Variants in CHRD observed in about 807,000 individuals in gnomAD.
CHRD encodes the protein chordin.
CHRD carries 69 observed loss-of-function variants against 113.7 expected under a neutral mutation model. The ratio of observed to expected loss-of-function variants is 0.61; its 90% CI spans 0.50 to 0.74. The LOEUF is 0.74. CHRD is among the 30% of genes least tolerant of loss of function. CHRD has a pLI of 0.00. For missense variants in CHRD, 1,194 were observed against 1,295.8 expected, an observed-to-expected ratio of 0.92 and a Z score of 1.21; for synonymous variants, 561 against 540.8, an observed-to-expected ratio of 1.04 and a Z score of -0.52.
Position 184,384,440 on chromosome 3 carries a change from A to C in CHRD, c.1441-97A>C, listed in dbSNP as rs1189572621. Reference sequence around the variant, plus strand: ...TTATCCTGTGTTTCTGGTGTGTGGAAGTGTGTGTGGGTGGAGTGGGGGCAC... The same window carrying C: ...TTATCCTGTGTTTCTGGTGTGTGGACGTGTGTGTGGGTGGAGTGGGGGCAC... On this transcript the variant is annotated intron_variant, in intron 12 of 22. Coordinates refer to ENST00000204604, the Ensembl canonical transcript of CHRD. The surrounding 1 kb of genome is among the most constrained non-coding windows in gnomAD (Gnocchi z 4.4). 7.6e-7 allele frequency: 1 copy of C among 1,309,026 alleles called. No homozygotes were observed. Among genetic ancestry groups the C allele is most frequent in the Non-Finnish European group, 9.9e-7 (1 of 1,012,852 alleles). The allele number at this position is 1,309,026 out of a possible 1,614,324, so 81.1% of individuals were successfully genotyped here.
chr3:184,386,071 A>C, exon 15 of CHRD: 2 of 1,614,166 alleles, frequency 1.2e-6, no homozygotes, highest in Non-Finnish European at 1.7e-6. Context: ...AAGGACCTGG[A>C]GCCGGAACTG....
chr3:184,380,068 T>C (rs1008685854), upstream of CHRD: 1 of 139,656 alleles, frequency 7.2e-6, no homozygotes, highest in Non-Finnish European at 1.6e-5. The surrounding 1 kb of genome is among the most constrained non-coding windows in gnomAD (Gnocchi z 6.3). Context: ...TAGAGCCGCG[T>C]ACGGCCCGGG....
chr3:184,389,546 A>C, exon 23 of CHRD: 8 of 796,520 alleles, frequency 1.0e-5, no homozygotes, highest in East Asian at 2.7e-5. Context: ...TCCTGCCTCT[A>C]CTCCCACCCC....
Position 184,384,596 on chromosome 3 carries a change from G to A in CHRD, c.1500G>A (p.Glu500=). ...GGGCTCATATGCTGCTGCAGAATGAGCTCTTCCTGAACGTGGGCACCAAGG... is the reference window on the plus strand; with the variant it reads ...GGGCTCATATGCTGCTGCAGAATGAACTCTTCCTGAACGTGGGCACCAAGG... Residue 500 remains glutamate, a synonymous_variant, in exon 13 of 23, where the codon GAG becomes GAA. Coordinates refer to ENST00000204604, the Ensembl canonical transcript of CHRD. The surrounding 1 kb of genome is among the most constrained non-coding windows in gnomAD (Gnocchi z 4.4). 1 of 1,609,126 alleles carries A rather than the reference G, an allele frequency of 6.2e-7. No homozygotes were observed. The highest frequency in any genetic ancestry group is 1.3e-5 in the African/African-American group (1 of 74,960).
chr3:184,382,354 T>A lies in CHRD; in HGVS notation c.700-35T>A, dbSNP rs1715570248. The A allele has an allele frequency of 1.9e-6, 3 of 1,613,946 alleles. No individual in the cohort carries two copies. The East Asian group carries it at 6.7e-5, about 36-fold the overall frequency. On this transcript the variant is annotated intron_variant, in intron 6 of 22. Transcript: ENST00000204604. ...CCTAATTGGCCTAGCCTGCACAGTG[T>A]CTGAGCGTAGGGCCTTCTTGTCTCT... is the stretch of plus-strand genomic sequence containing the variant.
At position 184,383,425 on chromosome 3, in the gene CHRD, G is replaced by A; in HGVS notation, c.1320+7G>A. 1.2e-6 allele frequency: 2 copies of A among 1,613,660 alleles called. No homozygotes were observed. The highest frequency in any genetic ancestry group is 1.1e-5 in the South Asian group (1 of 91,070). Reference sequence around the variant, plus strand: ...TGGCTCCCTGATCTATCAGGTAAGAGCCAGGGGCTGCAGAAGGTGGGGGAG... The same window carrying A: ...TGGCTCCCTGATCTATCAGGTAAGAACCAGGGGCTGCAGAAGGTGGGGGAG... On this transcript the variant is annotated splice_region_variant and intron_variant, in intron 11 of 22. Transcript: ENST00000204604.
At position 184,384,275 on chromosome 3, in the gene CHRD, C is replaced by A. The variant is rs1480066214; in HGVS notation, c.1441-262C>A. On this transcript the variant is annotated intron_variant, in intron 12 of 22. Coordinates refer to ENST00000204604, the Ensembl canonical transcript of CHRD. This position sits in a 1 kb window ranked among gnomAD's most constrained non-coding sequence, Gnocchi z 4.4. ...CATGTGCTAGGTGCTGCATTGGTGG[C>A]CTTACATAGTTTTTGGCTTTCACAG... Among the ~76,000 whole-genome samples, 1 of 152,160 alleles carries A rather than the reference C, an allele frequency of 6.6e-6. No homozygotes were observed. The highest frequency in any genetic ancestry group is 1.5e-5 in the Non-Finnish European group (1 of 68,034).
exon 23 of CHRD, chr3:184,389,555 C>T (rs1264399035): frequency 1.3e-6 from 1 of 750,894 alleles, no homozygotes; most frequent in Non-Finnish European, 2.2e-6. Flanking sequence ...TACTCCCACC[C>T]CCACTACCTC....
rs749562853 is a variant in CHRD at position 184,381,859 on chromosome 3, C to T, written c.611+44C>T. 1.2e-6 allele frequency: 2 copies of T among 1,610,726 alleles called. No homozygotes were observed. Among genetic ancestry groups the T allele is most frequent in the Non-Finnish European group, 1.7e-6 (2 of 1,178,346 alleles). ...CAAGGAGGGGTCAGCTGCCGGGGCC[C>T]GGGAGGGAAACTGGGAGAGCTGGGA... On this transcript the variant is annotated intron_variant, in intron 5 of 22. Transcript: ENST00000204604. This position sits in a 1 kb window ranked among gnomAD's most constrained non-coding sequence, Gnocchi z 4.7.
chr3:184,387,042 G>T lies in CHRD; in HGVS notation c.2291-9G>T, dbSNP rs775478847. ...ACTCTCTGCTTTCACCATTTCTTTG[G>T]CTCCACAGAGAAACAAGATGTCAGA... is the stretch of plus-strand genomic sequence containing the variant. On this transcript the variant is annotated splice_polypyrimidine_tract_variant and intron_variant, in intron 17 of 22. Transcript: ENST00000204604. The surrounding 1 kb of genome is among the most constrained non-coding windows in gnomAD (Gnocchi z 6.1). 14 of 1,613,988 alleles carry T rather than the reference G, an allele frequency of 8.7e-6. No homozygotes were observed. The highest frequency in any genetic ancestry group is 1.2e-5 in the Non-Finnish European group (14 of 1,179,974).
chr3:184,380,422 C>A lies in CHRD; in HGVS notation c.104C>A (p.Pro35His), dbSNP rs1424656336. The A allele has an allele frequency of 7.5e-7, 1 of 1,329,196 alleles. No individual in the cohort carries two copies. Among genetic ancestry groups the A allele is most frequent in the South Asian group, 1.6e-5 (1 of 64,264 alleles). 82.3% of individuals were successfully genotyped at this position (1,329,196 alleles called of 1,614,324 possible). A position where few individuals can be genotyped will look rare whatever the true frequency, so the allele number is the denominator to read the frequency against. ...GCCGGCCCAGAGCCCCCCGTGCTGC[C>A]CATCCGTTCTGAGAAGGAGCCGCTG... Residue 35 changes from proline to histidine, a missense_variant, in exon 1 of 23, where the codon CCC becomes CAC. Transcript: ENST00000204604. The surrounding 1 kb of genome is among the most constrained non-coding windows in gnomAD (Gnocchi z 6.3).
At chr3:184,385,036 C>A in exon 14 of CHRD, 1 of 1,614,062 alleles carries the variant, frequency 6.2e-7, no homozygotes, top group Non-Finnish European at 8.5e-7. Flanking sequence ...GTGCCCCTAG[C>A]AGGAGCCCTG....
chr3:184,384,892 G>A lies in CHRD; in HGVS notation c.1598-126G>A. 8.1e-7 allele frequency: 1 copy of A among 1,233,216 alleles called. No individual in the cohort carries two copies. The highest frequency in any genetic ancestry group is 2.3e-5 in the East Asian group (1 of 42,782). 76.4% of individuals were successfully genotyped at this position (1,233,216 alleles called of 1,614,324 possible). ...AGGGTCTAAAACTTGCTGCTCTCCAGGCCCTGGACCTATGGACAGTGTCTT... is the reference window on the plus strand; with the variant it reads ...AGGGTCTAAAACTTGCTGCTCTCCAAGCCCTGGACCTATGGACAGTGTCTT... On this transcript the variant is annotated intron_variant, in intron 13 of 22. Coordinates refer to ENST00000204604, the Ensembl canonical transcript of CHRD. The surrounding 1 kb of genome is among the most constrained non-coding windows in gnomAD (Gnocchi z 4.4).
chr3:184,381,398 AGGGCCACGATACTAGGTCCC>A lies in CHRD; in HGVS notation c.382+42_382+61del. The stretch of plus-strand genomic sequence containing the variant: ...TGCTCCGCCCTGCGGGGAGGGAGGC[AGGGCCACGATACTAGGTCCC>A]GGGCCACTTGGATGGGGCGTCGGAC... On this transcript the variant is annotated intron_variant, in intron 3 of 22. Coordinates refer to ENST00000204604, the Ensembl canonical transcript of CHRD. This position sits in a 1 kb window ranked among gnomAD's most constrained non-coding sequence, Gnocchi z 4.7. 1.3e-6 allele frequency: 2 copies of A among 1,595,534 alleles called. No homozygotes were observed. Among genetic ancestry groups the A allele is most frequent in the Non-Finnish European group, 1.7e-6 (2 of 1,171,750 alleles).
chr3:184,389,620 G>A (rs1027167444), exon 23 of CHRD: 1 of 576,516 alleles, frequency 1.7e-6, no homozygotes, highest in Non-Finnish European at 3.1e-6. Flanking sequence ...CGAGGTCACA[G>A]CCACTCCAAG....
rs780400506 is a variant in CHRD, at chr3:184,381,978, T to C, written c.657T>C (p.Ser219=). Residue 219 remains serine, a synonymous_variant, in exon 6 of 23, where the codon AGT becomes AGC. Transcript: ENST00000204604. The surrounding 1 kb of genome is among the most constrained non-coding windows in gnomAD (Gnocchi z 4.7). ...TCCGCTTCTCAGACTCCAATGGCAGTGTCCTGTTTGAGCACCCTGCAGCCC... is the reference window on the plus strand; with the variant it reads ...TCCGCTTCTCAGACTCCAATGGCAGCGTCCTGTTTGAGCACCCTGCAGCCC... 2 of 1,614,164 alleles carry C rather than the reference T, an allele frequency of 1.2e-6. No individual in the cohort carries two copies. Among genetic ancestry groups the C allele is most frequent in the South Asian group, 1.1e-5 (1 of 91,076 alleles).
exon 9 of CHRD, chr3:184,382,904 T>C: frequency 6.2e-7 from 1 of 1,613,930 alleles, no homozygotes; most frequent in Non-Finnish European, 8.5e-7. Context: ...CAGGGGCAGC[T>C]ACTGCGAGAA....
rs1391572818 is a variant in CHRD at position 184,381,429 on chromosome 3, G to A, written c.382+65G>A. On this transcript the variant is annotated intron_variant, in intron 3 of 22. Coordinates refer to ENST00000204604, the Ensembl canonical transcript of CHRD. This position sits in a 1 kb window ranked among gnomAD's most constrained non-coding sequence, Gnocchi z 4.7. The stretch of plus-strand genomic sequence containing the variant: ...ACGATACTAGGTCCCGGGCCACTTG[G>A]ATGGGGCGTCGGACTGGCCTTTCCC... 1 of 1,598,830 alleles carries A rather than the reference G, an allele frequency of 6.3e-7. No individual in the cohort carries two copies. Among genetic ancestry groups the A allele is most frequent in the East Asian group, 2.2e-5 (1 of 44,546 alleles).
rs770505972 is a variant in CHRD, at chr3:184,381,158, G to A, written c.253-77G>A. The A allele has an allele frequency of 1.1e-5, 17 of 1,550,680 alleles. No homozygotes were observed. Among genetic ancestry groups the A allele is most frequent in the Non-Finnish European group, 1.8e-6 (2 of 1,127,098 alleles). On this transcript the variant is annotated intron_variant, in intron 2 of 22. Coordinates refer to ENST00000204604, the Ensembl canonical transcript of CHRD. The surrounding 1 kb of genome is among the most constrained non-coding windows in gnomAD (Gnocchi z 4.7). ...AAGTGGCAGAGCTGGCTGACTCTGC[G>A]GGACATCCTTGCCTGGGGGGGTCTC...
Sources: gnomAD v4.1 joint callset for allele counts (sites outside exome capture counted in the v4.1 genomes callset) on GRCh38, gnomAD v4.1.1 for gene constraint, Gnocchi (gnomAD v3.1) non-coding constraint, MANE v1.5 for transcripts, NCBI Gene and HGNC (gene_info 2026-07-23, HGNC 2026-07-21) for gene names.